VPS13B: variants seen among roughly 807,000 people sequenced by gnomAD.
VPS13B encodes the protein intermembrane lipid transfer protein VPS13B.
A neutral mutation model predicts 426.4 loss-of-function variants in VPS13B; 285 were observed. That is an observed-to-expected ratio of 0.67 (90% CI 0.61 to 0.74). VPS13B has a LOEUF of 0.74. Ranked by LOEUF, VPS13B falls within the 30% of genes least tolerant of loss-of-function variation. The probability of loss-of-function intolerance (pLI) is 0.00; values close to 1 mark genes in which losing one functional copy is unlikely to be tolerated. For synonymous variants in VPS13B, 1,676 were observed against 1,676.4 expected (o/e 1.00, Z 0.01); for missense variants, 4,537 against 4,782.6 (o/e 0.95, Z 1.51).
chr8:99,050,289 G>T (rs1474914788), intron 3 of VPS13B, among the ~76,000 whole-genome samples: 3 of 151,878 alleles, frequency 2.0e-5, no homozygotes, highest in South Asian at 2.1e-4. Context: ...GCAGTGTTTG[G>T]TTTTTTGTCC....
chr8:99,045,325 A>G (rs1220925784), intron 3 of VPS13B, among the ~76,000 whole-genome samples: 2 of 151,704 alleles, frequency 1.3e-5, no homozygotes, highest in African/African-American at 2.4e-5. Context: ...ATTTTTTCAT[A>G]TGTTTGTTGG....
At chr8:99,214,588 T>C (rs1815285787) in intron 17 of VPS13B, among the ~76,000 whole-genome samples, 1 of 152,194 alleles carries the variant, frequency 6.6e-6, no homozygotes, top group Admixed American at 6.5e-5. Flanking sequence ...TGTATAGGTT[T>C]AACTGATTAT....
At chr8:99,062,718 T>C (rs1218198556) in intron 3 of VPS13B, among the ~76,000 whole-genome samples, 1 of 152,044 alleles carries the variant, frequency 6.6e-6, no homozygotes. Context: ...TCCACCCGCC[T>C]TGTGGATCCC....
At chr8:99,497,112 A>AATATATTTATATATTTCATATATAAATAT (rs1820932034) in intron 25 of VPS13B, among the ~76,000 whole-genome samples, 1 of 142,484 alleles carries the variant, frequency 7.0e-6, no homozygotes, top group African/African-American at 2.6e-5. Context: ...GTAATATAAA[A>AATATATTTATATATTTCATATATAAATAT]ATATATTTAT....
At chr8:99,673,343 T>C (rs1222212952) in intron 35 of VPS13B, among the ~76,000 whole-genome samples, 1 of 152,096 alleles carries the variant, frequency 6.6e-6, no homozygotes, top group African/African-American at 2.4e-5. Flanking sequence ...TGTTTCTTCA[T>C]TATCTATTCT....
chr8:99,422,957 G>A lies in VPS13B; in HGVS notation c.3083-8580G>A, dbSNP rs79696045. Among the ~76,000 whole-genome samples, 134 of 152,138 alleles carry A rather than the reference G, an allele frequency of 8.8e-4. No homozygotes were observed. The East Asian group carries it at 0.022, about 25-fold the overall frequency. ...ACATATGTTTGAGTTTTTTCACTTC[G>A]TAAGATACCAAAAATATGCCTTTAG... is the stretch of plus-strand genomic sequence containing the variant. On this transcript the variant is annotated intron_variant, in intron 21 of 61. Coordinates refer to ENST00000357162, the MANE Select transcript of VPS13B (RefSeq NM_152564.5).
chr8:99,347,851 C>A (rs547739056), intron 19 of VPS13B: 16 of 152,330 alleles, frequency 1.1e-4, no homozygotes, highest in African/African-American at 3.6e-4. Flanking sequence ...TTCTAAAAGC[C>A]CACACTGTAG....
chr8:99,319,206 G>A (rs1039634656), intron 19 of VPS13B, among the ~76,000 whole-genome samples: 1 of 152,136 alleles, frequency 6.6e-6, no homozygotes, highest in Non-Finnish European at 1.5e-5. Flanking sequence ...GTATTGTACC[G>A]GGACAGTTAC....
chr8:99,395,672 T>C (rs1055554488), intron 21 of VPS13B, among the ~76,000 whole-genome samples: 3 of 152,084 alleles, frequency 2.0e-5, no homozygotes, highest in Non-Finnish European at 4.4e-5. Context: ...GATGGAGACA[T>C]ACAACAACTT....
intron 2 of VPS13B, among the ~76,000 whole-genome samples, chr8:99,032,911 A>G (rs1391889135): frequency 3.3e-5 from 5 of 152,104 alleles, no homozygotes; most frequent in African/African-American, 7.2e-5. Context: ...AGTTGAGATT[A>G]TTGATAACTT....
At chr8:99,172,628 T>G (rs1812407850) in intron 16 of VPS13B, among the ~76,000 whole-genome samples, 1 of 152,172 alleles carries the variant, frequency 6.6e-6, no homozygotes, top group Admixed American at 6.6e-5. Flanking sequence ...AAGGCCCTGT[T>G]AATCAGTTTT....
At chr8:99,602,340 CT>C (rs1827345055) in intron 33 of VPS13B, among the ~76,000 whole-genome samples, 2 of 152,166 alleles carry the variant, frequency 1.3e-5, no homozygotes, top group African/African-American at 4.8e-5. Context: ...GACCTCTTTT[CT>C]GTTCCATTGG....
intron 51 of VPS13B, among the ~76,000 whole-genome samples, chr8:99,825,206 T>A (rs1219646298): frequency 6.6e-6 from 1 of 152,236 alleles, no homozygotes; most frequent in South Asian, 2.1e-4. Flanking sequence ...TGTAAAAGTG[T>A]TCCTATTTCT....
At chr8:99,052,626 C>G (rs1182080718) in intron 3 of VPS13B, among the ~76,000 whole-genome samples, 3 of 148,606 alleles carry the variant, frequency 2.0e-5, no homozygotes, top group Non-Finnish European at 4.5e-5. Context: ...CTCCTTGTAC[C>G]TCTGGTAGAA....
chr8:99,696,992 G>A (rs1171265107), intron 35 of VPS13B: 1 of 611,370 alleles, frequency 1.6e-6, no homozygotes, highest in Non-Finnish European at 3.1e-6. Context: ...CGGCGTGTGG[G>A]AAGTGAGGTA....
intron 3 of VPS13B, among the ~76,000 whole-genome samples, chr8:99,089,872 G>A (rs549958871): frequency 6.6e-6 from 1 of 152,160 alleles, no homozygotes; most frequent in East Asian, 1.9e-4. Flanking sequence ...ATGTATAAGG[G>A]TTATACTTTG....
intron 3 of VPS13B, among the ~76,000 whole-genome samples, chr8:99,073,882 G>A (rs557601407): frequency 5.3e-5 from 8 of 151,686 alleles, no homozygotes; most frequent in Non-Finnish European, 8.8e-5. Flanking sequence ...GTGATCCTCC[G>A]TTCTGAGGCT....
intron 36 of VPS13B, among the ~76,000 whole-genome samples, chr8:99,705,162 T>G (rs117189519): frequency 0.035 from 5,383 of 152,214 alleles, 136 homozygotes; most frequent in Non-Finnish European, 0.05. Context: ...CACCCTTAGA[T>G]TACCTGTAGA....
chr8:99,364,478 G>A (rs1812733654), intron 19 of VPS13B, among the ~76,000 whole-genome samples: 1 of 152,028 alleles, frequency 6.6e-6, no homozygotes, highest in Non-Finnish European at 1.5e-5. Context: ...TGTCACCCAG[G>A]CTGGAGTGCA....
Sources: gnomAD v4.1 joint callset for allele counts (sites outside exome capture counted in the v4.1 genomes callset) on GRCh38, gnomAD v4.1.1 for gene constraint, MANE v1.5 for transcripts, NCBI Gene and HGNC (gene_info 2026-07-23, HGNC 2026-07-21) for gene names.